Variants in FAT1 observed in about 807,000 individuals in gnomAD.
FAT1 encodes the protein protocadherin Fat 1.
In FAT1, 171 loss-of-function variants were observed where a neutral mutation model predicts 329.8. The observed-to-expected ratio is 0.52, with a 90% confidence interval of 0.46 to 0.59. The LOEUF (loss-of-function observed/expected upper bound fraction) is 0.59. Among genes scored for constraint, FAT1 ranks in the 20% least tolerant of loss-of-function variants. FAT1 has a pLI of 0.00. For missense variants in FAT1, 5,672 were observed against 5,774.4 expected (o/e 0.98, Z 0.57); for synonymous variants, 2,233 against 2,228.6 (o/e 1.00, Z -0.06).
chr4:186,666,541 AG>A (rs1180997106), intron 2 of FAT1, among the ~76,000 whole-genome samples: 5 of 152,258 alleles, frequency 3.3e-5, no homozygotes, highest in African/African-American at 1.2e-4. Flanking sequence ...TTCACTTGAC[AG>A]GTGAAGTATT....
rs372382696 is a variant in FAT1, at chr4:186,708,796, C to T, written c.1032G>A (p.Pro344=). The T allele has an allele frequency of 5.6e-6, 9 of 1,613,804 alleles. No homozygotes were observed. The highest frequency in any genetic ancestry group is 7.6e-6 in the Non-Finnish European group (9 of 1,179,878). ...TGACTTTAACAGAAGAGAACTGGGG[C>T]GGAGTTCCTTTATCTTTAGCCTGTA... ...LTLQAKDKGT[P]PQFSSVKVIH... Residue 344 remains proline, a synonymous_variant, in exon 2 of 27, where the codon CCG becomes CCA. Transcript: ENST00000441802.
At chr4:186,643,089 T>C (rs1479085119) in intron 3 of FAT1, among the ~76,000 whole-genome samples, 1 of 152,222 alleles carries the variant, frequency 6.6e-6, no homozygotes, top group Non-Finnish European at 1.5e-5. Context: ...CTGAGACCAG[T>C]GGAATTTAAA....
In FAT1 at chr4:186,617,937, G is replaced by A. The variant is rs1262436509; in HGVS notation, c.8649C>T (p.Tyr2883=). The change falls in exon 10 of 27, where the codon TAC becomes TAT. Residue 2883 remains tyrosine (Y), a synonymous_variant. Transcript: ENST00000441802. ...GATCTGATGCAACCACTTTAATCTGGTAATTGTCTCTCTTTTCATGGTCAA... is the reference window on the plus strand; with the variant it reads ...GATCTGATGCAACCACTTTAATCTGATAATTGTCTCTCTTTTCATGGTCAA... The part of the protein sequence containing the change: ...KELDHEKRDN[Y]QIKVVASDHG... 2 of 1,613,946 alleles carry A rather than the reference G, an allele frequency of 1.2e-6. No homozygotes were observed. The highest frequency in any genetic ancestry group is 1.1e-5 in the South Asian group (1 of 91,076).
Position 186,618,897 on chromosome 4 carries a change from C to T in FAT1, c.7689G>A (p.Val2563=), listed in dbSNP as rs561142338. ...KLDRETPAEK[V]ISVRLMAKDA... is the part of the protein sequence containing the mutation. ...CCTTAGCCATTAAACGGACTGAGAT[C>T]ACTTTCTCCGCCGGGGTTTCTCGAT... Residue 2563 remains valine, a synonymous_variant, in exon 10 of 27, where the codon GTG becomes GTA. Transcript: ENST00000441802. 6.2e-7 allele frequency: 1 copy of T among 1,613,996 alleles called. No individual in the cohort carries two copies. The highest frequency in any genetic ancestry group is 8.5e-7 in the Non-Finnish European group (1 of 1,179,884).
At chr4:186,724,809 A>G (rs1195960035), upstream of FAT1, among the ~76,000 whole-genome samples, 1 of 152,174 alleles carries the variant, frequency 6.6e-6, no homozygotes, top group Non-Finnish European at 1.5e-5. This position sits in a 1 kb window ranked among gnomAD's most constrained non-coding sequence, Gnocchi z 5.3. Flanking sequence ...TTGATCTCGG[A>G]AAGTTTGTGG....
At chr4:186,605,623 G>A (rs1317005446) in intron 17 of FAT1, among the ~76,000 whole-genome samples, 4 of 141,652 alleles carry the variant, frequency 2.8e-5, no homozygotes, top group Non-Finnish European at 6.3e-5. Flanking sequence ...TGGGGAGGAG[G>A]AAGAGAAGGA....
At chr4:186,688,985 T>C (rs1743622687) in intron 2 of FAT1, among the ~76,000 whole-genome samples, 1 of 152,154 alleles carries the variant, frequency 6.6e-6, no homozygotes, top group Non-Finnish European at 1.5e-5. Flanking sequence ...CTGAAAAGAA[T>C]AAACAGGCCA....
intron 2 of FAT1, among the ~76,000 whole-genome samples, chr4:186,677,524 T>A (rs951289204): frequency 6.6e-6 from 1 of 151,874 alleles, no homozygotes. Context: ...GTGTATCATA[T>A]AACGGAAGAT....
At chr4:186,698,088 T>C (rs1744123595) in intron 2 of FAT1, among the ~76,000 whole-genome samples, 1 of 152,210 alleles carries the variant, frequency 6.6e-6, no homozygotes, top group Non-Finnish European at 1.5e-5. Context: ...CAACTGCAAT[T>C]ACTGTGTGTT....
chr4:186,663,788 G>A (rs937679568), intron 2 of FAT1, among the ~76,000 whole-genome samples, 175 bp from the exon 3 acceptor site: 4 of 152,102 alleles, frequency 2.6e-5, no homozygotes, highest in African/African-American at 9.7e-5. Flanking sequence ...CTAAAATAGA[G>A]ACAATAATAG....
Position 186,613,359 on chromosome 4 carries a change from A to G in FAT1, c.9230-17T>C. On this transcript the variant is annotated splice_polypyrimidine_tract_variant and intron_variant, in intron 12 of 26. Coordinates refer to ENST00000441802, the MANE Select transcript of FAT1 (RefSeq NM_005245.4). ...TCAGTTCACCTACAAACAAAAACAA[A>G]TGGACTCACTTGTAATTTAAGACGT... is the stretch of plus-strand genomic sequence containing the variant. The G allele has an allele frequency of 1.3e-6, 2 of 1,579,122 alleles. No homozygotes were observed. The highest frequency in any genetic ancestry group is 1.7e-6 in the Non-Finnish European group (2 of 1,148,082).
intron 3 of FAT1, among the ~76,000 whole-genome samples, chr4:186,641,148 C>T (rs1741071135): frequency 6.6e-6 from 1 of 152,058 alleles, no homozygotes; most frequent in South Asian, 2.1e-4. Flanking sequence ...AGGTTTTTTT[C>T]CTTAAGTAGT....
At chr4:186,597,292 G>T in intron 24 of FAT1, 121 bp from the exon 25 acceptor site, 1 of 1,127,578 alleles carries the variant, frequency 8.9e-7, no homozygotes, top group Non-Finnish European at 1.2e-6. Context: ...ATCAAACCCA[G>T]ATAAAAGACA....
intron 7 of FAT1, 58 bp from the exon 8 acceptor site, chr4:186,628,821 T>A: frequency 6.6e-7 from 1 of 1,516,374 alleles, no homozygotes; most frequent in South Asian, 1.3e-5. Flanking sequence ...GTTTTAATAC[T>A]TAAAGAACCA....
Position 186,603,019 on chromosome 4 carries a change from G to C in FAT1, c.11366C>G (p.Pro3789Arg). 1 of 1,613,938 alleles carries C rather than the reference G, an allele frequency of 6.2e-7. No homozygotes were observed. The highest frequency in any genetic ancestry group is 8.5e-7 in the Non-Finnish European group (1 of 1,179,880). ...ATCATCTTCACAGCCATGGTGGACA[G>C]GTGGGCACCTTCCCTCTTCATTCAA... is the stretch of plus-strand genomic sequence containing the variant. ...VCLCKEGRCP[P>R]VHHGCEDDPC... Residue 3789 changes from proline to arginine, a missense_variant, in exon 20 of 27, where the codon CCT (proline) becomes CGT (arginine). By Grantham distance (103) the Pro-to-Arg change is moderately radical. Transcript: ENST00000441802.
intron 1 of FAT1, among the ~76,000 whole-genome samples, chr4:186,710,238 T>A (rs1288397018): frequency 6.6e-6 from 1 of 152,140 alleles, no homozygotes; most frequent in East Asian, 1.9e-4. Flanking sequence ...TTACATACAA[T>A]GAATTAAATG....
At chr4:186,714,438 C>T (rs1310138854) in intron 1 of FAT1, among the ~76,000 whole-genome samples, 1 of 152,060 alleles carries the variant, frequency 6.6e-6, no homozygotes, top group Non-Finnish European at 1.5e-5. Flanking sequence ...AAGATGGGAA[C>T]AGCTACGGGC....
chr4:186,608,540 C>A (rs1384744123), intron 16 of FAT1, among the ~76,000 whole-genome samples: 1 of 152,036 alleles, frequency 6.6e-6, no homozygotes, highest in Non-Finnish European at 1.5e-5. Flanking sequence ...GCCACCACAC[C>A]CGACATTTTT....
Position 186,614,287 on chromosome 4 carries a change from T to G in FAT1, c.9133A>C (p.Ile3045Leu). ...CGGATGTCTGCGTCTGTAGCAGAGATCTGCATGATCAATTTTCCAGGAAGG... is the reference window on the plus strand; with the variant it reads ...CGGATGTCTGCGTCTGTAGCAGAGAGCTGCATGATCAATTTTCCAGGAAGG... ...DVLPGKLIMQ[I>L]SATDADIRSN... Residue 3045 changes from isoleucine to leucine, a missense_variant, in exon 12 of 27, where the codon ATC becomes CTC. Transcript: ENST00000441802. 1 of 1,593,314 alleles carries G rather than the reference T, an allele frequency of 6.3e-7. No homozygotes were observed. Among genetic ancestry groups the G allele is most frequent in the Non-Finnish European group, 8.5e-7 (1 of 1,172,750 alleles).
Sources: gnomAD v4.1 joint callset for allele counts (sites outside exome capture counted in the v4.1 genomes callset) on GRCh38, gnomAD v4.1.1 for gene constraint, Gnocchi (gnomAD v3.1) non-coding constraint, MANE v1.5 for transcripts, NCBI Gene and HGNC (gene_info 2026-07-23, HGNC 2026-07-21) for gene names.